HSF1: variants seen among roughly 807,000 people sequenced by gnomAD.
The protein encoded by HSF1 is heat shock factor protein 1.
Under a neutral mutation model 51.7 loss-of-function variants are expected in HSF1, and 32 were observed. The ratio of observed to expected loss-of-function variants is 0.62; its 90% confidence interval spans 0.47 to 0.83. The LOEUF (loss-of-function observed/expected upper bound fraction) is 0.83, where lower values mean the gene tolerates loss of function less well. HSF1 is among the 40% of genes least tolerant of loss of function. HSF1 has a pLI of 0.00. For missense variants in HSF1, 727 were observed against 717.0 expected (o/e 1.01, Z -0.16); for synonymous variants, 396 against 309.7 (o/e 1.28, Z -2.92).
chr8:144,313,301 C>T, intron 9 of HSF1: 1 of 538,674 alleles, frequency 1.9e-6, no homozygotes, highest in Non-Finnish European at 3.3e-6. Context: ...CAAAGGGATG[C>T]CCAGCATAGG....
intron 4 of HSF1, 99 bp from the exon 5 acceptor site, chr8:144,311,075 C>A (rs1299510916): frequency 1.3e-5 from 15 of 1,137,856 alleles, no homozygotes; most frequent in Non-Finnish European, 1.6e-5. Context: ...GTCACACTTA[C>A]CCCTGCTCCT....
rs2130425977 is a variant in HSF1 at position 144,309,525 on chromosome 8, C to T, written c.297C>T (p.Phe99=). ...LVKPERDDTE[F]QHPCFLRGQE... is the part of the protein sequence containing the mutation. Reference sequence around the variant, plus strand: ...AGCCAGAGAGAGACGACACGGAGTTCCAGCACCCATGCTTCCTGCGTGGCC... The same window carrying T: ...AGCCAGAGAGAGACGACACGGAGTTTCAGCACCCATGCTTCCTGCGTGGCC... Residue 99 remains phenylalanine (F), a synonymous_variant, in exon 3 of 13, where the codon TTC becomes TTT. Transcript: ENST00000528838. 2.5e-6 allele frequency: 4 copies of T among 1,614,078 alleles called. No homozygotes were observed. The East Asian group carries it at 6.7e-5, about 27-fold the overall frequency.
intron 2 of HSF1, 113 bp downstream of exon 2, chr8:144,309,127 C>T: frequency 1.1e-6 from 1 of 872,084 alleles, no homozygotes; most frequent in Non-Finnish European, 1.9e-6. Context: ...TGGCCAAGGG[C>T]ATGGCGTGGG....
intron 1 of HSF1, among the ~76,000 whole-genome samples, chr8:144,296,747 C>G (rs1184247588): frequency 1.3e-5 from 2 of 150,350 alleles, no homozygotes; most frequent in African/African-American, 4.9e-5. Context: ...GCGGGGCTTG[C>G]AGTGAGCTGA....
intron 1 of HSF1, among the ~76,000 whole-genome samples, chr8:144,306,784 A>G (rs1816253706): frequency 1.3e-5 from 2 of 152,192 alleles, no homozygotes; most frequent in Non-Finnish European, 2.9e-5. Context: ...TTTCGGCACT[A>G]ATTCTGTAAA....
At chr8:144,308,534 A>G (rs1816376772) in intron 1 of HSF1, among the ~76,000 whole-genome samples, 1 of 151,304 alleles carries the variant, frequency 6.6e-6, no homozygotes, top group Non-Finnish European at 1.5e-5. Flanking sequence ...ACGTGGCCAG[A>G]GTGCGGCGGG....
chr8:144,312,701 G>T, intron 9 of HSF1: 5 of 1,535,466 alleles, frequency 3.3e-6, no homozygotes, highest in Non-Finnish European at 3.5e-6. Flanking sequence ...GCATGGCCAA[G>T]TCCAGCCAGG....
intron 9 of HSF1, chr8:144,312,515 G>C (rs1181498473): frequency 1.0e-6 from 1 of 991,180 alleles, no homozygotes; most frequent in South Asian, 1.4e-5. Flanking sequence ...CACAGGCCAC[G>C]GGCCCTGGCA....
chr8:144,310,182 C>T (rs976224848), intron 4 of HSF1: 13 of 396,030 alleles, frequency 3.3e-5, no homozygotes, highest in South Asian at 2.8e-4. Flanking sequence ...CCGAGCTTGG[C>T]GGGACCCACC....
At chr8:144,313,157 G>A in intron 9 of HSF1, 1 of 382,546 alleles carries the variant, frequency 2.6e-6, no homozygotes, top group Admixed American at 4.1e-5. Flanking sequence ...ACTGAGCAGA[G>A]CCCCACCTGT....
chr8:144,306,321 T>G (rs1554843303), intron 1 of HSF1, among the ~76,000 whole-genome samples: 3 of 151,946 alleles, frequency 2.0e-5, no homozygotes, highest in Admixed American at 2.0e-4. Flanking sequence ...TCCTAGCTTC[T>G]TGTTTCTTTG....
At position 144,314,560 on chromosome 8, in the gene HSF1, C is replaced by T; in HGVS notation, c.*230C>T. 1 of 587,008 alleles carries T rather than the reference C, an allele frequency of 1.7e-6. No individual in the cohort carries two copies. Among genetic ancestry groups the T allele is most frequent in the Non-Finnish European group, 3.0e-6 (1 of 328,804 alleles). The allele number at this position is 587,008 out of a possible 1,614,324, so 36.4% of individuals were successfully genotyped here. ...CTGTGGTTTGGTTGGGGCTTCACAG[C>T]CACACCTGGACTGACCCTGCAGGTT... is the stretch of plus-strand genomic sequence containing the variant. On this transcript the variant is annotated 3_prime_UTR_variant, in exon 13 of 13. Coordinates refer to ENST00000528838, the MANE Select transcript of HSF1 (RefSeq NM_005526.4).
chr8:144,312,287 G>A (rs1554845093), intron 9 of HSF1, 43 bp downstream of exon 9: 18 of 1,333,072 alleles, frequency 1.4e-5, no homozygotes, highest in Non-Finnish European at 1.6e-5. Context: ...GCGCCTGGAC[G>A]CACAGCCCTG....
At chr8:144,305,463 C>G (rs1816147577) in intron 1 of HSF1, among the ~76,000 whole-genome samples, 1 of 151,988 alleles carries the variant, frequency 6.6e-6, no homozygotes, top group Non-Finnish European at 1.5e-5. Context: ...CCATGCCCAA[C>G]TAATTTTTTT....
At chr8:144,306,520 G>A (rs1460053748) in intron 1 of HSF1, among the ~76,000 whole-genome samples, 24 of 152,128 alleles carry the variant, frequency 1.6e-4, no homozygotes, top group African/African-American at 4.8e-5. Context: ...GCGCCACCAC[G>A]CCCACTTAAT....
chr8:144,311,910 G>T (rs1234840732), intron 8 of HSF1, 53 bp from the exon 9 acceptor site: 1 of 1,581,390 alleles, frequency 6.3e-7, no homozygotes, highest in African/African-American at 1.3e-5. Context: ...CAGAGTTGGG[G>T]ATGAGGTGGG....
chr8:144,299,696 T>G (rs1395936399), intron 1 of HSF1, among the ~76,000 whole-genome samples: 2 of 151,390 alleles, frequency 1.3e-5, no homozygotes, highest in Non-Finnish European at 2.9e-5. Context: ...GATCACGAGG[T>G]CAGGAGATCA....
intron 1 of HSF1, among the ~76,000 whole-genome samples, chr8:144,305,639 A>C (rs1187254175): frequency 6.9e-6 from 1 of 144,778 alleles, no homozygotes; most frequent in African/African-American, 2.6e-5. Flanking sequence ...TTTTTCTCCT[A>C]CTGGAGCACC....
At position 144,313,634 on chromosome 8, in the gene HSF1, GCCCCGCCT is replaced by G. The variant is rs781965563; in HGVS notation, c.1248+26_1248+33del. The G allele has an allele frequency of 8.3e-4, 470 of 568,790 alleles. 9 individuals are homozygous for G. In the African/African-American group the frequency reaches 0.011, roughly 14 times the overall value. The allele number at this position is 568,790 out of a possible 1,614,324, so 35.2% of individuals were successfully genotyped here. A position where few individuals can be genotyped will look rare whatever the true frequency, so the allele number is the denominator to read the frequency against. ...TGCTGGACGTGAGTGGAGCCCCGCCGCCCCGCCTCCCCGCCCCGCCTCCCCGCCGCGCC... is the reference window on the plus strand; with the variant it reads ...TGCTGGACGTGAGTGGAGCCCCGCCGCCCCGCCCCGCCTCCCCGCCGCGCC... On this transcript the variant is annotated intron_variant, in intron 10 of 12. Coordinates refer to ENST00000528838, the MANE Select transcript of HSF1 (RefSeq NM_005526.4).
Sources: allele counts gnomAD v4.1 joint callset (sites outside exome capture counted in the v4.1 genomes callset), GRCh38; gene constraint gnomAD v4.1.1; transcripts MANE v1.5; gene names NCBI Gene and HGNC (gene_info 2026-07-23, HGNC 2026-07-21).